PTPRZ1: variants seen among roughly 807,000 people sequenced by gnomAD.
The protein encoded by PTPRZ1 is receptor-type tyrosine-protein phosphatase zeta.
In PTPRZ1, 82 loss-of-function variants were observed where a neutral mutation model predicts 214.1. The ratio of observed to expected loss-of-function variants is 0.38; its 90% CI spans 0.32 to 0.46. The LOEUF (loss-of-function observed/expected upper bound fraction) is 0.46. Ranked by LOEUF, PTPRZ1 falls within the 20% of genes least tolerant of loss-of-function variation. The probability of loss-of-function intolerance (pLI) is 1.00; values close to 1 mark genes in which losing one functional copy is unlikely to be tolerated. For synonymous variants in PTPRZ1, 945 were observed against 987.9 expected, an observed-to-expected ratio of 0.96 and a Z score of 0.81; for missense variants, 2,603 against 2,748.7, an observed-to-expected ratio of 0.95 and a Z score of 1.19.
At chr7:121,979,195 A>T (rs1008917977) in intron 6 of PTPRZ1, among the ~76,000 whole-genome samples, 10 of 151,968 alleles carry the variant, frequency 6.6e-5, no homozygotes, top group Non-Finnish European at 5.9e-5. Context: ...TCCTCCCCTC[A>T]ACCCCTCTTT....
At chr7:122,004,546 A>G (rs926752272) in intron 10 of PTPRZ1, 68 bp from the exon 11 acceptor site, 1 of 814,956 alleles carries the variant, frequency 1.2e-6, no homozygotes, top group Non-Finnish European at 2.0e-6. Flanking sequence ...TCTTTCACCC[A>G]AAGGTAAATC....
At chr7:121,922,574 C>CA (rs34974311) in intron 1 of PTPRZ1, among the ~76,000 whole-genome samples, 13 of 145,980 alleles carry the variant, frequency 8.9e-5, no homozygotes, top group East Asian at 7.9e-4. Flanking sequence ...GACTCCGCCT[C>CA]AAAAAAAAAA....
At chr7:121,916,912 G>A (rs749328716) in intron 1 of PTPRZ1, among the ~76,000 whole-genome samples, 2 of 152,176 alleles carry the variant, frequency 1.3e-5, no homozygotes, top group South Asian at 2.1e-4. Context: ...GTTCCATGGA[G>A]AATGCAACTA....
intron 4 of PTPRZ1, among the ~76,000 whole-genome samples, chr7:121,974,892 A>G (rs1305848654): frequency 6.6e-6 from 1 of 152,178 alleles, no homozygotes; most frequent in Admixed American, 6.5e-5. Flanking sequence ...CTCACAATCA[A>G]GTCTTCTCAA....
intron 2 of PTPRZ1, among the ~76,000 whole-genome samples, chr7:121,944,525 G>T (rs1796316668): frequency 1.3e-5 from 2 of 151,990 alleles, no homozygotes; most frequent in South Asian, 4.2e-4. Context: ...AGTAAAAGTT[G>T]TTATTCATTC....
At chr7:122,047,389 G>A (rs761575335) in intron 23 of PTPRZ1, among the ~76,000 whole-genome samples, 27 of 152,250 alleles carry the variant, frequency 1.8e-4, no homozygotes, top group Non-Finnish European at 3.1e-4. Flanking sequence ...TATGAGACAT[G>A]AGAGCTTCTT....
chr7:122,055,233 C>A, intron 27 of PTPRZ1, 146 bp downstream of exon 27: 1 of 606,888 alleles, frequency 1.6e-6, no homozygotes, highest in Non-Finnish European at 2.5e-6. Context: ...ATTACCTTGT[C>A]ACTTTCATTT....
chr7:122,010,546 A>G lies in PTPRZ1; in HGVS notation c.1500A>G (p.Leu500=). Residue 500 remains leucine, a synonymous_variant, in exon 12 of 30, where the codon TTA becomes TTG. Coordinates refer to ENST00000393386, the MANE Select transcript of PTPRZ1 (RefSeq NM_002851.3). ...AGGGTGATGTTCCCAATACATCTTTAAATTCCACTTCCCAACCAGTCACTA... is the reference window on the plus strand; with the variant it reads ...AGGGTGATGTTCCCAATACATCTTTGAATTCCACTTCCCAACCAGTCACTA... The part of the protein sequence containing the change: ...SGKGDVPNTS[L]NSTSQPVTKL... 6.2e-7 allele frequency: 1 copy of G among 1,613,438 alleles called. No individual in the cohort carries two copies. The highest frequency in any genetic ancestry group is 8.5e-7 in the Non-Finnish European group (1 of 1,179,420).
At chr7:121,890,648 T>TC (rs1278945095) in intron 1 of PTPRZ1, among the ~76,000 whole-genome samples, 1 of 151,996 alleles carries the variant, frequency 6.6e-6, no homozygotes, top group African/African-American at 2.4e-5. Flanking sequence ...TCCTATTATT[T>TC]CTCTTTTTAT....
intron 17 of PTPRZ1, among the ~76,000 whole-genome samples, chr7:122,034,869 G>T (rs1481181460): frequency 1.3e-5 from 2 of 151,546 alleles, no homozygotes; most frequent in African/African-American, 4.9e-5. Context: ...CTTTCTCTTT[G>T]TTTTCTTAGC....
chr7:121,879,881 T>C (rs1393502326), intron 1 of PTPRZ1, among the ~76,000 whole-genome samples: 1 of 152,078 alleles, frequency 6.6e-6, no homozygotes, highest in Non-Finnish European at 1.5e-5. Context: ...CCTTCTTTTC[T>C]TTTTCTTTTT....
intron 1 of PTPRZ1, among the ~76,000 whole-genome samples, chr7:121,887,829 C>G (rs1794447023): frequency 6.6e-6 from 1 of 152,090 alleles, no homozygotes; most frequent in Middle Eastern, 3.4e-3. Context: ...TTTAATGAAA[C>G]AAAAAGATAC....
In PTPRZ1 at chr7:122,021,903, TATC is replaced by T. The variant is rs1285528471; in HGVS notation, c.4988+2641_4988+2643del. ...ATTCACTAAAAAATATAAATTTTCA[TATC>T]ATCATATGCTAGGGGTATTATGTGC... On this transcript the variant is annotated intron_variant, in intron 13 of 29. Coordinates refer to ENST00000393386, the MANE Select transcript of PTPRZ1 (RefSeq NM_002851.3). 4.6e-5 allele frequency among the ~76,000 whole-genome samples: 7 copies of T among 152,362 alleles called. No individual in the cohort carries two copies. The East Asian group carries it at 1.3e-3, about 29-fold the overall frequency.
chr7:121,885,242 T>A (rs374681965), intron 1 of PTPRZ1, among the ~76,000 whole-genome samples: 7 of 152,228 alleles, frequency 4.6e-5, no homozygotes, highest in African/African-American at 1.7e-4. Flanking sequence ...TTTCCACAGT[T>A]AAGTCTATCC....
At chr7:121,981,385 A>T (rs575647363) in intron 6 of PTPRZ1, among the ~76,000 whole-genome samples, 1 of 152,186 alleles carries the variant, frequency 6.6e-6, no homozygotes, top group Non-Finnish European at 1.5e-5. Context: ...CCACTGCTCT[A>T]CACTCCGCCA....
In PTPRZ1 at chr7:122,059,869, C is replaced by T. The variant is rs1792513818; in HGVS notation, c.6788C>T (p.Pro2263Leu). Reference protein sequence around the residue: ...QVAKMINLMRPGVFADIEQYQ... With the variant: ...QVAKMINLMRLGVFADIEQYQ... ...GCCAAGATGATCAATCTGATGAGGC[C>T]AGGAGTCTTTGCTGACATTGTAAGT... Residue 2263 changes from proline to leucine, a missense_variant, in exon 29 of 30, where the codon CCA becomes CTA. By Grantham distance (98) the Pro-to-Leu change is moderately conservative. This residue lies in a region of PTPRZ1 where 165 missense variants were observed against 151.4 expected (regional missense o/e 1.09). Transcript: ENST00000393386. 2 of 1,610,678 alleles carry T rather than the reference C, an allele frequency of 1.2e-6. No homozygotes were observed. Among genetic ancestry groups the T allele is most frequent in the South Asian group, 2.2e-5 (2 of 90,286 alleles).
chr7:122,014,478 G>A (rs747066706), intron 12 of PTPRZ1, among the ~76,000 whole-genome samples: 7 of 151,774 alleles, frequency 4.6e-5, no homozygotes, highest in Non-Finnish European at 7.4e-5. Flanking sequence ...TCGCTCTGTC[G>A]CCCAGGCTGG....
At chr7:122,015,426 A>C (rs1474159248) in intron 12 of PTPRZ1, among the ~76,000 whole-genome samples, 4 of 152,156 alleles carry the variant, frequency 2.6e-5, no homozygotes, top group Non-Finnish European at 4.4e-5. Flanking sequence ...AAGTTTGTAC[A>C]TTTTGATAGA....
Position 122,054,979 on chromosome 7 carries a change from G to A in PTPRZ1, c.6420G>A (p.Glu2140=), listed in dbSNP as rs1159759675. The change falls in exon 27 of 30, where the codon GAG becomes GAA. Residue 2140 remains glutamate, a synonymous_variant. Transcript: ENST00000393386. The stretch of plus-strand genomic sequence containing the variant: ...TTGTTTACTGGCCAAATAAAGATGA[G>A]CCTATAAATTGTGAGAGCTTTAAGG... The part of the protein sequence containing the change: ...DEFVYWPNKD[E]PINCESFKVT... 4.4e-6 allele frequency: 7 copies of A among 1,607,396 alleles called. No individual in the cohort carries two copies. In the South Asian group the frequency reaches 4.4e-5, roughly 10 times the overall value.
Sources: gnomAD v4.1 joint callset for allele counts (sites outside exome capture counted in the v4.1 genomes callset) on GRCh38, gnomAD v4.1.1 for gene constraint, gnomAD v4.1.1 regional missense constraint, MANE v1.5 for transcripts, NCBI Gene and HGNC (gene_info 2026-07-23, HGNC 2026-07-21) for gene names.